CLEC12B: variants seen among roughly 807,000 people sequenced by gnomAD.
CLEC12B encodes C-type lectin domain family 12 member B.
CLEC12B carries 25 observed loss-of-function variants against 36.1 expected under a neutral mutation model. The ratio of observed to expected loss-of-function variants is 0.69; its 90% CI spans 0.50 to 0.97. CLEC12B has a LOEUF of 0.97. Among genes scored for constraint, CLEC12B ranks in the 50% least tolerant of loss-of-function variants. CLEC12B has a pLI of 0.00. For synonymous variants in CLEC12B, 110 were observed against 108.5 expected, an observed-to-expected ratio of 1.01 and a Z score of -0.09; for missense variants, 325 against 318.4, an observed-to-expected ratio of 1.02 and a Z score of -0.16.
chr12:10,010,895 A>G, intron 1 of CLEC12B, 45 bp downstream of exon 1: 1 of 1,325,594 alleles, frequency 7.5e-7, no homozygotes, highest in Non-Finnish European at 1.1e-6. Context: ...GGGAGTGGAC[A>G]GGTGTTAAAT....
At chr12:10,016,672 G>A (rs918852864) in intron 5 of CLEC12B, 24 of 215,188 alleles carry the variant, frequency 1.1e-4, no homozygotes, top group African/African-American at 5.4e-4. Context: ...ATATGTTTTG[G>A]GGTATATGTG....
intron 3 of CLEC12B, 118 bp downstream of exon 3, chr12:10,014,859 T>C (rs1359232774): frequency 1.4e-6 from 1 of 691,558 alleles, no homozygotes. Flanking sequence ...ACCTTAATGA[T>C]GTTGCACTAA....
Position 10,010,858 on chromosome 12 carries a change from T to C in CLEC12B, c.91+8T>C, listed in dbSNP as rs746494802. 1.6e-5 allele frequency: 25 copies of C among 1,583,254 alleles called. No individual in the cohort carries two copies. Among genetic ancestry groups the C allele is most frequent in the Non-Finnish European group, 2.2e-5 (25 of 1,154,422 alleles). ...ATAACCTAAGAAAAAGAGGTAGGAG[T>C]TCAGAGAAGACCAGCTGTGTCCTTG... On this transcript the variant is annotated splice_region_variant and intron_variant, in intron 1 of 5. Coordinates refer to ENST00000338896, the MANE Select transcript of CLEC12B (RefSeq NM_001129998.3).
intron 5 of CLEC12B, chr12:10,016,336 C>T (rs1865486483): frequency 6.6e-6 from 1 of 152,350 alleles, no homozygotes; most frequent in South Asian, 2.1e-4. Flanking sequence ...TTAAAATGAA[C>T]TAAACCTTCC....
At chr12:10,015,523 A>C (rs1013598707) in intron 4 of CLEC12B, 89 bp from the exon 5 acceptor site, 15 of 1,573,628 alleles carry the variant, frequency 9.5e-6, no homozygotes, top group Non-Finnish European at 1.2e-5. Flanking sequence ...GAATTAATAC[A>C]TGAATTTAAT....
intron 5 of CLEC12B, chr12:10,017,624 T>C (rs1488693169): frequency 2.0e-6 from 2 of 985,774 alleles, no homozygotes; most frequent in Non-Finnish European, 2.4e-6. Flanking sequence ...CCTTGACTAC[T>C]GAGTAAAGGC....
intron 5 of CLEC12B, chr12:10,017,034 C>G: frequency 1.0e-6 from 1 of 984,644 alleles, no homozygotes; most frequent in South Asian, 4.7e-5. Flanking sequence ...TCAAAGATGC[C>G]ATGCTTCAGC....
chr12:10,012,125 A>T (rs762394115), intron 1 of CLEC12B, among the ~76,000 whole-genome samples: 3 of 152,218 alleles, frequency 2.0e-5, no homozygotes, highest in Non-Finnish European at 4.4e-5. Flanking sequence ...TTCAGTATTC[A>T]TTCATTATTT....
chr12:10,015,260 T>G lies in CLEC12B; in HGVS notation c.418T>G (p.Cys140Gly), dbSNP rs147173694. The G allele has an allele frequency of 5.8e-4, 942 of 1,612,362 alleles. 7 individuals are homozygous for G. In the African/African-American group the frequency reaches 0.011, roughly 19 times the overall value. The change falls in exon 4 of 6, where the codon TGT becomes GGT. Residue 140 changes from cysteine (C) to glycine (G), a missense_variant. By Grantham distance (159) the Cys-to-Gly change is radical (BLOSUM62 -3). Transcript: ENST00000338896. Reference protein sequence around the residue: ...ELIIHTSDHRCNPCPKMWQWY... With the variant: ...ELIIHTSDHRGNPCPKMWQWY... The stretch of plus-strand genomic sequence containing the variant: ...TATAATTTCCTTTTCAGACCACAGA[T>G]GTAATCCATGTCCTAAGATGTGGCA...
chr12:10,012,785 G>C lies in CLEC12B; in HGVS notation c.92G>C (p.Gly31Ala). The stretch of plus-strand genomic sequence containing the variant: ...TGATTGCTCTTTTGGCTTTCTCCAG[G>C]GCATCCAGCTCCATCTCCCATTTGG... ...NRDGNNLRKR[G>A]HPAPSPIWRH... The change falls in exon 2 of 6, where the codon GGG becomes GCG. Residue 31 changes from glycine to alanine, a missense_variant and splice_region_variant. By Grantham distance (60) the Gly-to-Ala change is moderately conservative (BLOSUM62 0). Transcript: ENST00000338896. 1 of 1,612,528 alleles carries C rather than the reference G, an allele frequency of 6.2e-7. No homozygotes were observed. Among genetic ancestry groups the C allele is most frequent in the South Asian group, 1.1e-5 (1 of 90,986 alleles).
At chr12:10,012,029 AAAC>A (rs764102387) in intron 1 of CLEC12B, among the ~76,000 whole-genome samples, 3 of 152,222 alleles carry the variant, frequency 2.0e-5, no homozygotes, top group Admixed American at 6.5e-5. Flanking sequence ...TTGATATTTT[AAAC>A]AACAACAATG....
rs1487960742 is a variant in CLEC12B, at chr12:10,012,701, C to G, written c.92-84C>G. 28 of 1,026,962 alleles carry G rather than the reference C, an allele frequency of 2.7e-5. No individual in the cohort carries two copies. In the East Asian group the frequency reaches 6.8e-4, roughly 25 times the overall value. 63.6% of individuals were successfully genotyped at this position (1,026,962 alleles called of 1,614,324 possible). ...AAAGAAACGTTAGTATCGGGAAGCT[C>G]CCTAAGTGGGAGAAATAAACAAACC... On this transcript the variant is annotated intron_variant, in intron 1 of 5. Coordinates refer to ENST00000338896, the MANE Select transcript of CLEC12B (RefSeq NM_001129998.3).
chr12:10,016,874 TTCTA>T lies in CLEC12B; in HGVS notation c.680+1152_680+1155del, dbSNP rs933161399. 1.3e-3 allele frequency: 711 copies of T among 527,202 alleles called. 4 individuals are homozygous for T. Among genetic ancestry groups the T allele is most frequent in the African/African-American group, 0.011 (521 of 48,534 alleles). 32.7% of individuals were successfully genotyped at this position (527,202 alleles called of 1,614,324 possible). A position where few individuals can be genotyped will look rare whatever the true frequency, so the allele number is the denominator to read the frequency against. On this transcript the variant is annotated intron_variant, in intron 5 of 5. Coordinates refer to ENST00000338896, the MANE Select transcript of CLEC12B (RefSeq NM_001129998.3). ...TCTATGAAACACTAGGTCTTACTTC[TTCTA>T]TCTAACAGAATATTTGTATTCATAA...
intron 5 of CLEC12B, 135 bp downstream of exon 5, chr12:10,015,862 A>C: frequency 6.7e-7 from 1 of 1,494,828 alleles, no homozygotes; most frequent in Non-Finnish European, 8.9e-7. Context: ...CCAGTAACAA[A>C]TATTGAAAGG....
upstream of CLEC12B, among the ~76,000 whole-genome samples, chr12:10,006,457 G>GTTTTTTTTT (rs139343460): frequency 6.7e-6 from 1 of 149,052 alleles, no homozygotes. Context: ...TCCAGGATAA[G>GTTTTTTTTT]TTTTTTGTTT....
chr12:10,016,313 T>C (rs866260378), intron 5 of CLEC12B: 1 of 152,376 alleles, frequency 6.6e-6, no homozygotes, highest in African/African-American at 2.4e-5. Context: ...ATACGGCAAG[T>C]GTCTTTTATG....
intron 5 of CLEC12B, chr12:10,017,675 AG>A: frequency 1.0e-6 from 1 of 965,130 alleles, no homozygotes; most frequent in African/African-American, 1.8e-5. Flanking sequence ...AAGCAAGCAA[AG>A]AATATGGCAG....
rs750646772 is a variant in CLEC12B, at chr12:10,012,773, G to A, written c.92-12G>A. ...AGTTCTGTGTGCTGATTGCTCTTTTGGCTTTCTCCAGGGCATCCAGCTCCA... is the reference window on the plus strand; with the variant it reads ...AGTTCTGTGTGCTGATTGCTCTTTTAGCTTTCTCCAGGGCATCCAGCTCCA... On this transcript the variant is annotated splice_polypyrimidine_tract_variant and intron_variant, in intron 1 of 5. Transcript: ENST00000338896. The A allele has an allele frequency of 5.6e-6, 9 of 1,608,820 alleles. No homozygotes were observed. The South Asian group carries it at 8.8e-5, about 16-fold the overall frequency.
intron 5 of CLEC12B, chr12:10,017,279 G>GT: frequency 1.0e-6 from 1 of 985,346 alleles, no homozygotes; most frequent in Non-Finnish European, 1.2e-6. Flanking sequence ...AAAAGTGACA[G>GT]TTACTTTTTT....
Sources: gnomAD v4.1 joint callset for allele counts (sites outside exome capture counted in the v4.1 genomes callset) on GRCh38, gnomAD v4.1.1 for gene constraint, MANE v1.5 for transcripts, NCBI Gene and HGNC (gene_info 2026-07-23, HGNC 2026-07-21) for gene names.